Variants in ZNF790 observed in about 807,000 individuals in gnomAD.
The protein encoded by ZNF790 is zinc finger protein 790.
A neutral mutation model predicts 12.1 loss-of-function variants in ZNF790; 8 were observed. That is an observed-to-expected ratio of 0.66 (90% CI 0.39 to 1.19). ZNF790 has a LOEUF of 1.19. ZNF790 is among the 50% of genes most tolerant of loss of function. The pLI is 0.01. For synonymous variants in ZNF790, 252 were observed against 244.3 expected (o/e 1.03, Z -0.29); for missense variants, 707 against 752.2 (o/e 0.94, Z 0.70).
upstream of ZNF790, among the ~76,000 whole-genome samples, chr19:36,839,253 G>T (rs1266426344): frequency 6.6e-6 from 1 of 152,006 alleles, no homozygotes; most frequent in Non-Finnish European, 1.5e-5. Flanking sequence ...AAACTTATCA[G>T]GTAACTAAAA....
chr19:36,819,466 C>T lies in ZNF790; in HGVS notation c.878G>A (p.Cys293Tyr). The T allele has an allele frequency of 6.2e-7, 1 of 1,610,048 alleles. No individual in the cohort carries two copies. The highest frequency in any genetic ancestry group is 1.7e-4 in the Middle Eastern group (1 of 6,038). ...ECKECGKAFS[C>Y]GSDLTRHQRI... ...CTGATGTCGAGTAAGATCTGAGCCA[C>T]AACTAAAGGCCTTCCCACATTCCTT... The change falls in exon 5 of 5, where the codon TGT (cysteine) becomes TAT (tyrosine). Residue 293 changes from cysteine (C) to tyrosine (Y), a missense_variant. Coordinates refer to ENST00000356725, the MANE Select transcript of ZNF790 (RefSeq NM_206894.4).
At chr19:36,832,411 T>C (rs772749697) in intron 1 of ZNF790, among the ~76,000 whole-genome samples, 6 of 152,116 alleles carry the variant, frequency 3.9e-5, no homozygotes, top group Non-Finnish European at 8.8e-5. Flanking sequence ...ATGAGATAGA[T>C]ATAAAAGACA....
At chr19:36,827,146 A>ACACACACACACACACACC (rs2071838058) in intron 1 of ZNF790, among the ~76,000 whole-genome samples, 2 of 46,760 alleles carry the variant, frequency 4.3e-5, no homozygotes, top group Non-Finnish European at 8.6e-5. Context: ...ACACACATAT[A>ACACACACACACACACACC]TATATATATA....
chr19:36,818,409 C>A lies in ZNF790; in HGVS notation c.*24G>T. 6.7e-7 allele frequency: 1 copy of A among 1,495,544 alleles called. No homozygotes were observed. Among genetic ancestry groups the A allele is most frequent in the Non-Finnish European group, 8.9e-7 (1 of 1,120,210 alleles). The allele number at this position is 1,495,544 out of a possible 1,614,324, so 92.6% of individuals were successfully genotyped here. A position where few individuals can be genotyped will look rare whatever the true frequency, so the allele number is the denominator to read the frequency against. On this transcript the variant is annotated 3_prime_UTR_variant, in exon 5 of 5. Coordinates refer to ENST00000356725, the MANE Select transcript of ZNF790 (RefSeq NM_206894.4). Reference sequence around the variant, plus strand: ...CAATTAATGAGTCATGAATAAAGCCCTTCCTACACTTTTATATAATATTTC... The same window carrying A: ...CAATTAATGAGTCATGAATAAAGCCATTCCTACACTTTTATATAATATTTC...
intron 1 of ZNF790, among the ~76,000 whole-genome samples, chr19:36,848,854 T>C (rs1253630360): frequency 6.6e-6 from 1 of 152,130 alleles, no homozygotes; most frequent in South Asian, 2.1e-4. Flanking sequence ...AGTGCAGTGG[T>C]GCGATCTCAG....
At chr19:36,821,211 G>T (rs1021936627) in intron 4 of ZNF790, among the ~76,000 whole-genome samples, 1 of 151,866 alleles carries the variant, frequency 6.6e-6, no homozygotes, top group South Asian at 2.1e-4. Context: ...TTTTTCTTGG[G>T]AGACAGCAAG....
intron 1 of ZNF790, among the ~76,000 whole-genome samples, chr19:36,844,333 CAAA>C (rs34420002): frequency 7.8e-6 from 1 of 128,384 alleles, no homozygotes; most frequent in Non-Finnish European, 1.7e-5. Context: ...AAACAAAAAA[CAAA>C]AAAAAAAAAA....
chr19:36,821,088 G>GT (rs1408221889), intron 4 of ZNF790, among the ~76,000 whole-genome samples: 1 of 124,164 alleles, frequency 8.1e-6, no homozygotes, highest in East Asian at 2.4e-4. Flanking sequence ...CAAAAAAATA[G>GT]TTTGAGAAAT....
chr19:36,838,440 G>A (rs2072096884), upstream of ZNF790: 1 of 152,284 alleles, frequency 6.6e-6, no homozygotes, highest in South Asian at 2.1e-4. The surrounding 1 kb of genome is among the most constrained non-coding windows in gnomAD (Gnocchi z 4.4). Flanking sequence ...GTGCACTCTG[G>A]GAAATGTAGT....
At chr19:36,844,905 G>C (rs1005605240) in intron 1 of ZNF790, among the ~76,000 whole-genome samples, 2 of 150,166 alleles carry the variant, frequency 1.3e-5, no homozygotes, top group African/African-American at 2.4e-5. Flanking sequence ...AAAATTAGCC[G>C]GGCGTAGTGG....
chr19:36,835,705 G>A lies in ZNF790; in HGVS notation c.-74+2632C>T, dbSNP rs750511699. ...AAAATCAAGGTGTTGGTAGGGCTGT[G>A]TTCCTTTCTGGAAGCTCCAGGGGAG... is the stretch of plus-strand genomic sequence containing the variant. On this transcript the variant is annotated intron_variant, in intron 1 of 4. Transcript: ENST00000356725. Among the ~76,000 whole-genome samples the A allele has an allele frequency of 6.1e-4, 93 of 151,954 alleles. 1 individual carries two copies. The highest frequency in any genetic ancestry group is 8.8e-5 in the Non-Finnish European group (6 of 67,992).
At chr19:36,833,493 C>G (rs1439659173) in intron 1 of ZNF790, among the ~76,000 whole-genome samples, 1 of 151,674 alleles carries the variant, frequency 6.6e-6, no homozygotes, top group East Asian at 1.9e-4. Context: ...AAGACCTAAA[C>G]AAATGAAATA....
At chr19:36,838,502 G>C (rs2072098174), upstream of ZNF790, 2 of 152,278 alleles carry the variant, frequency 1.3e-5, no homozygotes, top group African/African-American at 2.4e-5. This position sits in a 1 kb window ranked among gnomAD's most constrained non-coding sequence, Gnocchi z 4.4. Flanking sequence ...CACCATTAAC[G>C]GACCCTGCAT....
chr19:36,834,243 CAAAAAAAAAAAA>C (rs751627349), intron 1 of ZNF790, among the ~76,000 whole-genome samples: 6 of 34,886 alleles, frequency 1.7e-4, no homozygotes, highest in African/African-American at 1.7e-4. Context: ...AACTCCATCT[CAAAAAAAAAAAA>C]AAAAAAAAAA....
intron 1 of ZNF790, among the ~76,000 whole-genome samples, chr19:36,831,611 T>C (rs2071945895): frequency 6.6e-6 from 1 of 152,014 alleles, no homozygotes; most frequent in Non-Finnish European, 1.5e-5. Flanking sequence ...GAACACAGAA[T>C]ACAGAAATTA....
rs573113235 is a variant in ZNF790 at position 36,818,881 on chromosome 19, A to T, written c.1463T>A (p.Phe488Tyr). 5.0e-6 allele frequency: 8 copies of T among 1,613,542 alleles called. No homozygotes were observed. In the Admixed American group the frequency reaches 1.3e-4, roughly 27 times the overall value. ...YECKECGKTF[F>Y]RGSELNRHQK... ...GTGTCGATTAAGTTCTGAACCACGAAAAAAGGTCTTTCCACATTCCTTACA... is the reference window on the plus strand; with the variant it reads ...GTGTCGATTAAGTTCTGAACCACGATAAAAGGTCTTTCCACATTCCTTACA... Residue 488 changes from phenylalanine (F) to tyrosine (Y), a missense_variant, in exon 5 of 5, where the codon TTT (phenylalanine) becomes TAT (tyrosine). Physicochemically the swap from Phe to Tyr is conservative, Grantham distance 22. Coordinates refer to ENST00000356725, the MANE Select transcript of ZNF790 (RefSeq NM_206894.4).
intron 1 of ZNF790, among the ~76,000 whole-genome samples, chr19:36,847,457 A>G (rs1049252474): frequency 6.6e-6 from 1 of 152,142 alleles, no homozygotes; most frequent in African/African-American, 2.4e-5. Context: ...TTAATCGCCA[A>G]TGTGTTAGAT....
chr19:36,823,374 C>G lies in ZNF790; in HGVS notation c.140G>C (p.Cys47Ser). Residue 47 changes from cysteine to serine, a missense_variant, in exon 4 of 5, where the codon TGC becomes TCC. Coordinates refer to ENST00000356725, the MANE Select transcript of ZNF790 (RefSeq NM_206894.4). ...NYSNMVSLGF[C>S]IYQPEAFSLL... ...AGAGAACGCTTCTGGCTGATAAATG[C>G]AAAAACCTGCCCAGAAGATGAGAAA... 2 of 1,613,406 alleles carry G rather than the reference C, an allele frequency of 1.2e-6. No individual in the cohort carries two copies. The highest frequency in any genetic ancestry group is 1.1e-5 in the South Asian group (1 of 91,008).
intron 1 of ZNF790, among the ~76,000 whole-genome samples, chr19:36,844,257 G>C (rs531870319): frequency 2.6e-5 from 4 of 151,174 alleles, no homozygotes; most frequent in Non-Finnish European, 5.9e-5. Context: ...GCTGCAGTGA[G>C]CTGAAAACAC....
Sources: allele counts gnomAD v4.1 joint callset (sites outside exome capture counted in the v4.1 genomes callset), GRCh38; gene constraint gnomAD v4.1.1; non-coding constraint Gnocchi (gnomAD v3.1); transcripts MANE v1.5; gene names NCBI Gene and HGNC (gene_info 2026-07-23, HGNC 2026-07-21).